ADD3: variants seen among roughly 807,000 people sequenced by gnomAD.
The protein encoded by ADD3 is gamma-adducin.
A neutral mutation model predicts 80.2 loss-of-function variants in ADD3; 25 were observed. The ratio of observed to expected loss-of-function variants is 0.31; its 90% CI spans 0.23 to 0.44. The LOEUF (loss-of-function observed/expected upper bound fraction) is 0.44, where lower values mean the gene tolerates loss of function less well. Ranked by LOEUF, ADD3 falls within the 20% of genes least tolerant of loss-of-function variation. The pLI, the probability that ADD3 is intolerant of heterozygous loss-of-function variation, is 1.00. For synonymous variants in ADD3, 284 were observed against 289.6 expected (o/e 0.98, Z 0.20); for missense variants, 829 against 847.5 (o/e 0.98, Z 0.27).
chr10:110,059,995 G>C (rs1394642430), intron 1 of ADD3, among the ~76,000 whole-genome samples: 1 of 151,998 alleles, frequency 6.6e-6, no homozygotes, highest in African/African-American at 2.4e-5. Context: ...AAGGCTACTT[G>C]AATGGGTGTA....
At chr10:110,078,291 C>A (rs1439653355) in intron 1 of ADD3, among the ~76,000 whole-genome samples, 1 of 152,174 alleles carries the variant, frequency 6.6e-6, no homozygotes, top group Non-Finnish European at 1.5e-5. Flanking sequence ...TTAGCCTCTT[C>A]TAAGATCTTT....
chr10:110,026,628 G>T (rs918987931), intron 1 of ADD3, among the ~76,000 whole-genome samples: 1 of 152,026 alleles, frequency 6.6e-6, no homozygotes, highest in African/African-American at 2.4e-5. Context: ...CAAGGTCAAG[G>T]TACTTGAGAA....
At position 110,122,349 on chromosome 10, in the gene ADD3, A is replaced by T. The variant is rs1851612032; in HGVS notation, c.1143+57A>T. The T allele has an allele frequency of 2.0e-6, 3 of 1,501,738 alleles. No homozygotes were observed. In the African/African-American group the frequency reaches 4.2e-5, roughly 21 times the overall value. 93.0% of individuals were successfully genotyped at this position (1,501,738 alleles called of 1,614,324 possible). ...TTAATGTCTTCAGATTCAAGAGCAG[A>T]TGCTTCCATTTTTGTAGAACATGCT... On this transcript the variant is annotated intron_variant, in intron 9 of 14. Coordinates refer to ENST00000356080, the MANE Select transcript of ADD3 (RefSeq NM_016824.5).
At chr10:110,053,101 A>G (rs1325379101) in intron 1 of ADD3, among the ~76,000 whole-genome samples, 1 of 152,224 alleles carries the variant, frequency 6.6e-6, no homozygotes, top group Non-Finnish European at 1.5e-5. Flanking sequence ...GCTTCCCAGT[A>G]GTACAGTAAA....
At chr10:110,054,906 G>A (rs113460035) in intron 1 of ADD3, among the ~76,000 whole-genome samples, 38 of 151,122 alleles carry the variant, frequency 2.5e-4, no homozygotes, top group African/African-American at 8.5e-4. Flanking sequence ...GAGCCACCGC[G>A]CCTGGCCTCC....
At chr10:110,121,814 A>G (rs1388186366) in intron 8 of ADD3, 6 of 226,262 alleles carry the variant, frequency 2.7e-5, no homozygotes, top group Non-Finnish European at 4.3e-5. Flanking sequence ...AAACTTCAAG[A>G]AAAGAAATTT....
intron 1 of ADD3, among the ~76,000 whole-genome samples, chr10:110,032,097 A>C (rs992854323): frequency 5.9e-5 from 9 of 152,192 alleles, no homozygotes; most frequent in African/African-American, 2.2e-4. Flanking sequence ...AAATGCCAGG[A>C]ATATCAAATC....
intron 1 of ADD3, among the ~76,000 whole-genome samples, chr10:110,014,963 TC>T (rs1335126954): frequency 6.6e-6 from 1 of 151,786 alleles, no homozygotes. Context: ...AACCTCCGAC[TC>T]CCTGGTTCAA....
At chr10:110,069,532 G>A (rs1844408752) in intron 1 of ADD3, among the ~76,000 whole-genome samples, 1 of 151,884 alleles carries the variant, frequency 6.6e-6, no homozygotes, top group Non-Finnish European at 1.5e-5. Flanking sequence ...AAAACATAAT[G>A]CTTATTAGTT....
rs551391737 is a variant in ADD3, at chr10:110,084,551, G to C, written c.-29-16074G>C. 7.7e-4 allele frequency among the ~76,000 whole-genome samples: 118 copies of C among 152,276 alleles called. 1 individual carries two copies. The highest frequency in any genetic ancestry group is 2.8e-3 in the African/African-American group (115 of 41,548). On this transcript the variant is annotated intron_variant, in intron 1 of 14. Transcript: ENST00000356080. Reference sequence around the variant, plus strand: ...CATTCTAATGTAGATAAAGTGAAAAGTATTGGGTAAGATAAATTGAGGGAC... The same window carrying C: ...CATTCTAATGTAGATAAAGTGAAAACTATTGGGTAAGATAAATTGAGGGAC...
chr10:110,001,264 A>G (rs1851478727), upstream of ADD3, among the ~76,000 whole-genome samples: 1 of 151,810 alleles, frequency 6.6e-6, no homozygotes, highest in Non-Finnish European at 1.5e-5. Flanking sequence ...AAAACACAAA[A>G]ATTAGTCAGG....
intron 1 of ADD3, among the ~76,000 whole-genome samples, chr10:110,011,039 T>C (rs1396004826): frequency 6.6e-6 from 1 of 152,192 alleles, no homozygotes; most frequent in African/African-American, 2.4e-5. Context: ...TGCTAGAGTT[T>C]GTGCTAGAGT....
chr10:110,008,923 A>G (rs1457804005), intron 1 of ADD3, among the ~76,000 whole-genome samples: 1 of 152,096 alleles, frequency 6.6e-6, no homozygotes, highest in Non-Finnish European at 1.5e-5. Context: ...AGGGGTGACA[A>G]GCGAAGTTGG....
intron 1 of ADD3, among the ~76,000 whole-genome samples, chr10:110,053,517 A>G (rs1321066048): frequency 4.1e-5 from 6 of 146,926 alleles, no homozygotes; most frequent in Non-Finnish European, 5.9e-5. Context: ...TTGTTTTTCT[A>G]TGAGTAAACT....
chr10:110,060,930 C>T (rs1858811858), intron 1 of ADD3, among the ~76,000 whole-genome samples: 1 of 152,200 alleles, frequency 6.6e-6, no homozygotes. Context: ...TACGCACATT[C>T]TGTATGACCT....
intron 1 of ADD3, chr10:110,016,609 G>T (rs772435185): frequency 6.6e-6 from 1 of 152,184 alleles, no homozygotes; most frequent in Non-Finnish European, 1.5e-5. Context: ...CAAATCATTT[G>T]CCTAACTGGA....
chr10:110,032,785 C>T (rs560944881), intron 1 of ADD3, among the ~76,000 whole-genome samples: 2 of 152,300 alleles, frequency 1.3e-5, no homozygotes, highest in African/African-American at 4.8e-5. Context: ...ACACTTTGTG[C>T]GTGCTCATAT....
At chr10:110,036,092 A>G (rs1455134114) in intron 1 of ADD3, among the ~76,000 whole-genome samples, 1 of 152,090 alleles carries the variant, frequency 6.6e-6, no homozygotes, top group Non-Finnish European at 1.5e-5. Context: ...CGGGGGTTAC[A>G]GTGAGCCGAG....
upstream of ADD3, chr10:110,006,016 CGCT>C (rs202094866): frequency 8.2e-3 from 1,878 of 230,218 alleles, 25 homozygotes; most frequent in African/African-American, 0.032. Flanking sequence ...CCGCCGCCGC[CGCT>C]GCTGCTGCTG....
Sources: allele counts gnomAD v4.1 joint callset (sites outside exome capture counted in the v4.1 genomes callset), GRCh38; gene constraint gnomAD v4.1.1; transcripts MANE v1.5; gene names NCBI Gene and HGNC (gene_info 2026-07-23, HGNC 2026-07-21).